The following FUT8 variants were observed in gnomAD, a reference collection of about 807,000 sequenced individuals.
The protein encoded by FUT8 is alpha-(1,6)-fucosyltransferase.
A neutral mutation model predicts 71.3 loss-of-function variants in FUT8; 29 were observed. That is an observed-to-expected ratio of 0.41 (90% confidence interval 0.30 to 0.55). The LOEUF (loss-of-function observed/expected upper bound fraction) is 0.55. FUT8 is among the 20% of genes least tolerant of loss of function. The pLI is 0.34. For synonymous variants in FUT8, 254 were observed against 239.3 expected, an observed-to-expected ratio of 1.06 and a Z score of -0.57; for missense variants, 544 against 702.1, an observed-to-expected ratio of 0.77 and a Z score of 2.55.
At chr14:65,387,768 T>C in the FUT8 span, among the ~76,000 whole-genome samples, 2 of 152,244 alleles carry the variant, frequency 1.3e-5, no homozygotes, top group Admixed American at 1.3e-4. Flanking sequence ...AAGATCATTG[T>C]CTCATGTTGC....
chr14:65,392,416 G>C, the FUT8 span, among the ~76,000 whole-genome samples: 4 of 152,130 alleles, frequency 2.6e-5, no homozygotes, highest in Non-Finnish European at 5.9e-5. Context: ...TAAAATCCGT[G>C]GCTCATTATG....
At chr14:65,672,780 T>C (rs982380608) in intron 7 of FUT8, among the ~76,000 whole-genome samples, 2 of 152,190 alleles carry the variant, frequency 1.3e-5, no homozygotes, top group Non-Finnish European at 2.9e-5. Context: ...TATAATTTGG[T>C]TTTTTAAAGG....
At chr14:65,549,740 C>T (rs1885180999) in intron 2 of FUT8, among the ~76,000 whole-genome samples, 1 of 152,184 alleles carries the variant, frequency 6.6e-6, no homozygotes, top group South Asian at 2.1e-4. Flanking sequence ...TAAGGTGATG[C>T]AGCTGTGGTG....
chr14:65,647,794 A>G (rs1251370894), intron 6 of FUT8, among the ~76,000 whole-genome samples: 1 of 152,172 alleles, frequency 6.6e-6, no homozygotes, highest in Non-Finnish European at 1.5e-5. Context: ...AAATATTGCT[A>G]CTAGTGTGAA....
chr14:65,369,969 T>G, the FUT8 span, among the ~76,000 whole-genome samples: 1 of 152,148 alleles, frequency 6.6e-6, no homozygotes, highest in Non-Finnish European at 1.5e-5. This position sits in a 1 kb window ranked among gnomAD's most constrained non-coding sequence, Gnocchi z 4.6. Flanking sequence ...GAACCCTCTC[T>G]TTGGGTCTGA....
chr14:65,719,400 T>C (rs1203620345), intron 7 of FUT8, among the ~76,000 whole-genome samples: 1 of 152,182 alleles, frequency 6.6e-6, no homozygotes, highest in African/African-American at 2.4e-5. Context: ...AATAGCTCTT[T>C]TGAATTCCCT....
At chr14:65,679,347 A>G (rs1303353681) in intron 7 of FUT8, among the ~76,000 whole-genome samples, 2 of 152,250 alleles carry the variant, frequency 1.3e-5, no homozygotes, top group African/African-American at 4.8e-5. Flanking sequence ...ATTAGAATCT[A>G]TACAGCAATC....
At chr14:65,503,202 T>C (rs2066674846) in intron 2 of FUT8, among the ~76,000 whole-genome samples, 1 of 152,240 alleles carries the variant, frequency 6.6e-6, no homozygotes, top group South Asian at 2.1e-4. Context: ...GAAATGTGCC[T>C]ATCACTTGTA....
chr14:65,724,016 C>T, intron 8 of FUT8, 131 bp from the exon 9 acceptor site: 4 of 572,610 alleles, frequency 7.0e-6, no homozygotes, highest in East Asian at 6.5e-5. Flanking sequence ...TTTACTTTTT[C>T]TAATAGTGAA....
chr14:65,740,607 T>C (rs555380570), intron 10 of FUT8, among the ~76,000 whole-genome samples: 1 of 152,088 alleles, frequency 6.6e-6, no homozygotes, highest in East Asian at 1.9e-4. Flanking sequence ...CTCAGGCAAC[T>C]TACAATCATG....
chr14:65,365,200 C>T, the FUT8 span, among the ~76,000 whole-genome samples: 6,791 of 152,242 alleles, frequency 0.045, 275 homozygotes, highest in South Asian at 0.17. Context: ...CTGCTAGACC[C>T]TCAGCTGCTT....
At chr14:65,699,299 A>G (rs1441029361) in intron 7 of FUT8, among the ~76,000 whole-genome samples, 1 of 152,144 alleles carries the variant, frequency 6.6e-6, no homozygotes, top group Non-Finnish European at 1.5e-5. Context: ...TTTAGAGGTA[A>G]TGTAACCTGG....
At chr14:65,391,073 C>T in the FUT8 span, among the ~76,000 whole-genome samples, 4 of 152,132 alleles carry the variant, frequency 2.6e-5, no homozygotes, top group East Asian at 7.7e-4. Flanking sequence ...GTGATACCTA[C>T]TGATACCTAC....
intron 3 of FUT8, among the ~76,000 whole-genome samples, chr14:65,564,870 G>A (rs1235251072): frequency 6.6e-6 from 1 of 151,806 alleles, no homozygotes; most frequent in Non-Finnish European, 1.5e-5. Flanking sequence ...CTTTTTTATT[G>A]CTGAGTAGTA....
chr14:65,615,700 A>T (rs938939628), intron 3 of FUT8, among the ~76,000 whole-genome samples: 1 of 152,198 alleles, frequency 6.6e-6, no homozygotes, highest in African/African-American at 2.4e-5. Context: ...TGGGGATGAA[A>T]GATTTTTAGG....
intron 7 of FUT8, among the ~76,000 whole-genome samples, chr14:65,696,002 A>C (rs374046766): frequency 5.9e-5 from 9 of 152,156 alleles, no homozygotes; most frequent in Non-Finnish European, 1.0e-4. Flanking sequence ...CATGGGATAT[A>C]TAATGCCAAG....
At chr14:65,517,774 A>G (rs565464659) in intron 2 of FUT8, among the ~76,000 whole-genome samples, 12 of 152,262 alleles carry the variant, frequency 7.9e-5, no homozygotes, top group African/African-American at 2.9e-4. Flanking sequence ...TTTGTTGTGG[A>G]TACATTTCTT....
At chr14:65,521,705 C>T (rs1041649078) in intron 2 of FUT8, among the ~76,000 whole-genome samples, 1 of 152,152 alleles carries the variant, frequency 6.6e-6, no homozygotes, top group African/African-American at 2.4e-5. Context: ...TAAAAAAATA[C>T]ATTTTTTTGG....
At chr14:65,608,526 T>C (rs1279104605) in intron 3 of FUT8, among the ~76,000 whole-genome samples, 1 of 152,028 alleles carries the variant, frequency 6.6e-6, no homozygotes, top group Non-Finnish European at 1.5e-5. Flanking sequence ...TATTATGTTT[T>C]AATGCATTGA....
Sources: gnomAD v4.1 joint callset for allele counts (sites outside exome capture counted in the v4.1 genomes callset) on GRCh38, gnomAD v4.1.1 for gene constraint, Gnocchi (gnomAD v3.1) non-coding constraint, MANE v1.5 for transcripts, NCBI Gene and HGNC (gene_info 2026-07-23, HGNC 2026-07-21) for gene names.